The following RGS6 variants were observed in gnomAD, a reference collection of about 807,000 sequenced individuals.
RGS6 encodes the protein regulator of G-protein signaling 6.
RGS6 carries 30 observed loss-of-function variants against 78.5 expected under a neutral mutation model. That is an observed-to-expected ratio of 0.38 (90% CI 0.29 to 0.52). The LOEUF is 0.52. Ranked by LOEUF, RGS6 falls within the 20% of genes least tolerant of loss-of-function variation. The pLI is 0.85. For missense variants in RGS6, 495 were observed against 609.7 expected (o/e 0.81, Z 1.98); for synonymous variants, 206 against 206.0 (o/e 1.00, Z 0.00).
At chr14:72,010,992 A>T (rs954233062) in intron 2 of RGS6, among the ~76,000 whole-genome samples, 1 of 152,346 alleles carries the variant, frequency 6.6e-6, no homozygotes, top group Non-Finnish European at 1.5e-5. Flanking sequence ...TTAATGGCAA[A>T]ACCGCAATAC....
At chr14:72,190,208 G>A (rs1452157281) in intron 2 of RGS6, among the ~76,000 whole-genome samples, 2 of 152,150 alleles carry the variant, frequency 1.3e-5, no homozygotes, top group Non-Finnish European at 2.9e-5. Context: ...CCCTAGGGAG[G>A]GAAGCACAAG....
chr14:71,944,169 T>C (rs1459954367), intron 1 of RGS6, among the ~76,000 whole-genome samples: 2 of 152,200 alleles, frequency 1.3e-5, no homozygotes, highest in East Asian at 3.8e-4. Flanking sequence ...ATTCGTTGCC[T>C]AAACAAAAAC....
intron 2 of RGS6, among the ~76,000 whole-genome samples, chr14:72,109,710 T>C (rs1273959416): frequency 6.6e-6 from 1 of 152,184 alleles, no homozygotes; most frequent in Non-Finnish European, 1.5e-5. Flanking sequence ...ATTTCTTCAT[T>C]CAGTGAATAA....
chr14:72,464,477 T>G (rs1483643850), intron 6 of RGS6, among the ~76,000 whole-genome samples: 1 of 152,182 alleles, frequency 6.6e-6, no homozygotes. Flanking sequence ...GGCTCCAAAA[T>G]GTCATAGGTA....
the RGS6 span, among the ~76,000 whole-genome samples, chr14:71,893,872 A>T: frequency 6.6e-6 from 1 of 152,182 alleles, no homozygotes; most frequent in Non-Finnish European, 1.5e-5. Flanking sequence ...ACAGTTGTTT[A>T]TCAGAAAAGA....
the RGS6 span, among the ~76,000 whole-genome samples, chr14:72,610,606 T>C: frequency 1.3e-5 from 2 of 152,096 alleles, no homozygotes; most frequent in Non-Finnish European, 2.9e-5. Context: ...CTGGTTGAGG[T>C]CTAGTTCTGG....
At chr14:72,204,103 C>T (rs1192454508) in intron 2 of RGS6, among the ~76,000 whole-genome samples, 1 of 152,088 alleles carries the variant, frequency 6.6e-6, no homozygotes, top group Non-Finnish European at 1.5e-5. Flanking sequence ...GGGTTACAGG[C>T]ATGAGCCACC....
the RGS6 span, among the ~76,000 whole-genome samples, chr14:71,888,111 G>A: frequency 1.2e-4 from 18 of 152,076 alleles, no homozygotes; most frequent in African/African-American, 3.9e-4. Context: ...AAGAACCTAC[G>A]TTGAAATATT....
chr14:72,507,009 A>AAAAAAAAAAAAAAAAAAAG, intron 13 of RGS6, among the ~76,000 whole-genome samples: 1 of 147,116 alleles, frequency 6.8e-6, no homozygotes, highest in Non-Finnish European at 1.5e-5. Flanking sequence ...AAAAAAAAAA[A>AAAAAAAAAAAAAAAAAAAG]AAAAAAAAAA....
At chr14:72,607,443 C>T in the RGS6 span, among the ~76,000 whole-genome samples, 2 of 152,208 alleles carry the variant, frequency 1.3e-5, no homozygotes, top group Admixed American at 6.5e-5. Context: ...GGCACTAATG[C>T]CGTGCATGTG....
At chr14:72,223,329 G>T (rs540779869) in intron 2 of RGS6, among the ~76,000 whole-genome samples, 1 of 152,294 alleles carries the variant, frequency 6.6e-6, no homozygotes, top group Non-Finnish European at 1.5e-5. Flanking sequence ...AAAACCAAAT[G>T]GCGACGTAGC....
chr14:72,383,213 T>TATATATACAC lies in RGS6; in HGVS notation c.184+31020_184+31021insTATATACACA, dbSNP rs1387301746. Among the ~76,000 whole-genome samples the TATATATACAC allele has an allele frequency of 2.6e-3, 313 of 118,278 alleles. 7 individuals carry two copies. Among genetic ancestry groups the TATATATACAC allele is most frequent in the African/African-American group, 6.2e-3 (197 of 31,872 alleles). 77.6% of individuals were successfully genotyped at this position (118,278 alleles called of 152,430 possible). ...ATATATATATATATATATATATATA[T>TATATATACAC]ACACACAAACACACTAGTATGTGTG... is the stretch of plus-strand genomic sequence containing the variant. On this transcript the variant is annotated intron_variant, in intron 3 of 17. Coordinates refer to ENST00000553525, the MANE Select transcript of RGS6 (RefSeq NM_001204424.2).
intron 3 of RGS6, among the ~76,000 whole-genome samples, chr14:72,449,568 A>G (rs1451371532): frequency 6.6e-6 from 1 of 152,222 alleles, no homozygotes; most frequent in Non-Finnish European, 1.5e-5. Context: ...AACCAGAAAC[A>G]GAAACCCCTT....
At chr14:72,473,759 A>G (rs2096156805) in intron 9 of RGS6, 1 of 152,174 alleles carries the variant, frequency 6.6e-6, no homozygotes. Flanking sequence ...CAGCTGATCG[A>G]TACATAACCT....
At chr14:72,515,924 C>G (rs2096936625) in intron 14 of RGS6, 1 of 152,358 alleles carries the variant, frequency 6.6e-6, no homozygotes, top group Non-Finnish European at 1.5e-5. Context: ...GGAAATCACC[C>G]AGGTGTCATC....
intron 2 of RGS6, among the ~76,000 whole-genome samples, chr14:72,154,653 C>T (rs1436023440): frequency 6.6e-6 from 1 of 152,220 alleles, no homozygotes; most frequent in Admixed American, 6.5e-5. Context: ...CATCAGGCTC[C>T]AGCCAACTGA....
chr14:72,459,513 T>C lies in RGS6; in HGVS notation c.343-119T>C, dbSNP rs2095719230. 1.7e-5 allele frequency: 15 copies of C among 861,024 alleles called. No individual in the cohort carries two copies. The South Asian group carries it at 2.2e-4, about 12-fold the overall frequency. 53.3% of individuals were successfully genotyped at this position (861,024 alleles called of 1,614,324 possible). A position where few individuals can be genotyped will look rare whatever the true frequency, so the allele number is the denominator to read the frequency against. On this transcript the variant is annotated intron_variant, in intron 5 of 17. Transcript: ENST00000553525. ...TAGAGAAGAGGAGAGAATTGTGGGGTAGCATCAGCAAGAAGGAGATGGGGG... is the reference window on the plus strand; with the variant it reads ...TAGAGAAGAGGAGAGAATTGTGGGGCAGCATCAGCAAGAAGGAGATGGGGG...
chr14:72,325,991 T>C (rs1294059693), intron 2 of RGS6, among the ~76,000 whole-genome samples: 3 of 152,234 alleles, frequency 2.0e-5, no homozygotes, highest in Non-Finnish European at 4.4e-5. Flanking sequence ...TGCCAGTATT[T>C]ATCATGCAAC....
chr14:72,187,013 T>C (rs556708861), intron 2 of RGS6, among the ~76,000 whole-genome samples: 2 of 152,310 alleles, frequency 1.3e-5, no homozygotes, highest in Admixed American at 1.3e-4. Flanking sequence ...AAAATGGCCA[T>C]TTAGACTTTC....
Sources: allele counts gnomAD v4.1 joint callset (sites outside exome capture counted in the v4.1 genomes callset), GRCh38; gene constraint gnomAD v4.1.1; transcripts MANE v1.5; gene names NCBI Gene and HGNC (gene_info 2026-07-23, HGNC 2026-07-21).